Variants in ARHGAP17 observed in about 807,000 individuals in gnomAD.
The protein encoded by ARHGAP17 is Rho GTPase activating protein 17.
A neutral mutation model predicts 99.5 loss-of-function variants in ARHGAP17; 57 were observed. The observed-to-expected ratio is 0.57, with a 90% confidence interval of 0.46 to 0.71. The LOEUF (loss-of-function observed/expected upper bound fraction) is 0.71, where lower values mean the gene tolerates loss of function less well. ARHGAP17 is among the 30% of genes least tolerant of loss of function. The pLI is 0.00. For synonymous variants in ARHGAP17, 417 were observed against 429.6 expected (o/e 0.97, Z 0.36); for missense variants, 1,000 against 1,122.4 (o/e 0.89, Z 1.56).
At chr16:24,929,554 A>G (rs2050927378) in intron 19 of ARHGAP17, 1 of 978,320 alleles carries the variant, frequency 1.0e-6, no homozygotes, top group Non-Finnish European at 1.2e-6. Flanking sequence ...ACGGCTAAGC[A>G]GGAGCATTTG....
At chr16:25,009,752 C>T (rs780083275) in intron 1 of ARHGAP17, among the ~76,000 whole-genome samples, 12 of 152,136 alleles carry the variant, frequency 7.9e-5, no homozygotes, top group South Asian at 4.1e-4. Flanking sequence ...TTTGGGTCCA[C>T]GGCTCTGTCT....
chr16:25,011,484 C>G (rs1408023084), intron 1 of ARHGAP17, among the ~76,000 whole-genome samples: 1 of 152,174 alleles, frequency 6.6e-6, no homozygotes, highest in African/African-American at 2.4e-5. Flanking sequence ...GTGGGCAGAT[C>G]ATCTGAGGGC....
At chr16:24,936,087 A>C (rs1322771000) in intron 17 of ARHGAP17, 18 of 288,080 alleles carry the variant, frequency 6.2e-5, no homozygotes, top group Non-Finnish European at 1.1e-4. Flanking sequence ...TAAATTGGGC[A>C]GTACTTAATA....
At chr16:24,961,224 T>C (rs990817390) in intron 7 of ARHGAP17, among the ~76,000 whole-genome samples, 1 of 152,078 alleles carries the variant, frequency 6.6e-6, no homozygotes, top group Non-Finnish European at 1.5e-5. Context: ...AACAAGAAAT[T>C]AGTACAGTTA....
chr16:24,953,105 T>C (rs536191875), intron 10 of ARHGAP17, 63 bp from the exon 11 acceptor site: 8 of 1,426,728 alleles, frequency 5.6e-6, no homozygotes, highest in South Asian at 4.7e-5. Flanking sequence ...TAAGTGGCAG[T>C]GTGTTCTGAT....
chr16:24,932,220 A>G (rs2051014197), intron 18 of ARHGAP17, among the ~76,000 whole-genome samples: 1 of 152,208 alleles, frequency 6.6e-6, no homozygotes, highest in Non-Finnish European at 1.5e-5. Flanking sequence ...GAAACTGAGT[A>G]AGGGGCATAT....
At chr16:25,006,926 G>GAGGT (rs1290602664) in intron 1 of ARHGAP17, among the ~76,000 whole-genome samples, 4 of 152,206 alleles carry the variant, frequency 2.6e-5, no homozygotes, top group Non-Finnish European at 4.4e-5. Context: ...CTGTCACCAT[G>GAGGT]AGGTGATAGT....
chr16:25,006,894 C>T (rs1323611423), intron 1 of ARHGAP17, among the ~76,000 whole-genome samples: 1 of 152,130 alleles, frequency 6.6e-6, no homozygotes, highest in Non-Finnish European at 1.5e-5. Context: ...GATAAAGAGA[C>T]CCCAGGGCTG....
At chr16:24,943,593 A>G (rs564649065) in intron 15 of ARHGAP17, among the ~76,000 whole-genome samples, 178 bp downstream of exon 15, 76 of 152,250 alleles carry the variant, frequency 5.0e-4, no homozygotes, top group Non-Finnish European at 9.1e-4. Context: ...AATACAATAC[A>G]ATATGATTAC....
At chr16:24,947,252 CA>C (rs111885207) in intron 14 of ARHGAP17, among the ~76,000 whole-genome samples, 4,944 of 152,280 alleles carry the variant, frequency 0.032, 278 homozygotes, top group African/African-American at 0.11. Flanking sequence ...TGCCTAAGAG[CA>C]GGGGCATTTT....
intron 11 of ARHGAP17, 38 bp from the exon 12 acceptor site, chr16:24,952,408 G>GCC: frequency 6.7e-7 from 1 of 1,501,608 alleles, no homozygotes; most frequent in Non-Finnish European, 9.2e-7. Flanking sequence ...ATGAAAAAGG[G>GCC]GTAAGGCTAG....
At chr16:24,982,754 A>G (rs1464981523) in intron 1 of ARHGAP17, among the ~76,000 whole-genome samples, 1 of 151,656 alleles carries the variant, frequency 6.6e-6, no homozygotes, top group Non-Finnish European at 1.5e-5. Flanking sequence ...ACTATCGGCC[A>G]AGGTGCCCAT....
intron 1 of ARHGAP17, among the ~76,000 whole-genome samples, chr16:25,006,658 T>C (rs1281235928): frequency 6.6e-6 from 1 of 152,126 alleles, no homozygotes; most frequent in Non-Finnish European, 1.5e-5. Flanking sequence ...TGGGTCACTG[T>C]TGCAACTATT....
rs1177575415 is a variant in ARHGAP17, at chr16:24,922,505, T to G, written c.2516-2245A>C. On this transcript the variant is annotated intron_variant, in intron 19 of 19. Transcript: ENST00000289968. Reference sequence around the variant, plus strand: ...TTGGGGCATAAAGGAAATCCCTTACTCTGCCGCCCACCTGCCCCATCTGGT... The same window carrying G: ...TTGGGGCATAAAGGAAATCCCTTACGCTGCCGCCCACCTGCCCCATCTGGT... Among the ~76,000 whole-genome samples, 9 of 152,278 alleles carry G rather than the reference T, an allele frequency of 5.9e-5. No individual in the cohort carries two copies. In the East Asian group the frequency reaches 1.7e-3, roughly 29 times the overall value.
Position 24,922,820 on chromosome 16 carries a change from C to T in ARHGAP17, c.2516-2560G>A, listed in dbSNP as rs117228142. On this transcript the variant is annotated intron_variant, in intron 19 of 19. Transcript: ENST00000289968. ...CCTCCCGAGTAGCTAGGACTACAAGCATACGCCACCATGCCTGGCTAATTT... is the reference window on the plus strand; with the variant it reads ...CCTCCCGAGTAGCTAGGACTACAAGTATACGCCACCATGCCTGGCTAATTT... Among the ~76,000 whole-genome samples, 1,030 of 152,198 alleles carry T rather than the reference C, an allele frequency of 6.8e-3. 8 individuals are homozygous for T. Among genetic ancestry groups the T allele is most frequent in the Admixed American group, 0.01 (157 of 15,282 alleles).
Position 24,950,849 on chromosome 16 carries a change from A to AAG in ARHGAP17, c.1047-1366_1047-1365insCT, listed in dbSNP as rs1461049432. Among the ~76,000 whole-genome samples the AAG allele has an allele frequency of 1.5e-3, 230 of 151,394 alleles. 2 individuals are homozygous for AAG. The highest frequency in any genetic ancestry group is 5.3e-3 in the African/African-American group (216 of 41,090). On this transcript the variant is annotated intron_variant, in intron 12 of 19. Transcript: ENST00000289968. ...GGGACTCCAACTCAAAAAAAAAAAA[A>AAG]AAAAAAAAAGAAAAAAGCTCAAATG... is the stretch of plus-strand genomic sequence containing the variant.
At chr16:24,967,778 CAAAAAAA>C (rs940394750) in intron 6 of ARHGAP17, among the ~76,000 whole-genome samples, 6 of 59,418 alleles carry the variant, frequency 1.0e-4, no homozygotes, top group Non-Finnish European at 1.8e-4. Flanking sequence ...GACCTTGACT[CAAAAAAA>C]AAAAAAAAAA....
chr16:24,941,741 A>T, intron 16 of ARHGAP17: 2 of 522,622 alleles, frequency 3.8e-6, no homozygotes, highest in Non-Finnish European at 6.8e-6. Context: ...AGGGCTTACC[A>T]AGCACACCAC....
At chr16:24,964,118 C>T (rs1489517147) in intron 7 of ARHGAP17, 79 bp downstream of exon 7, 4 of 929,798 alleles carry the variant, frequency 4.3e-6, no homozygotes, top group Non-Finnish European at 1.6e-6. Context: ...TTATTTAAAA[C>T]ATTAAGTAAC....
Sources: gnomAD v4.1 joint callset for allele counts (sites outside exome capture counted in the v4.1 genomes callset) on GRCh38, gnomAD v4.1.1 for gene constraint, MANE v1.5 for transcripts, NCBI Gene and HGNC (gene_info 2026-07-23, HGNC 2026-07-21) for gene names.